SLC41A2: variants seen among roughly 807,000 people sequenced by gnomAD.
SLC41A2 encodes solute carrier family 41 member 2, also known as SLC41A1-like 1.
Under a neutral mutation model 58.3 loss-of-function variants are expected in SLC41A2, and 32 were observed. That is an observed-to-expected ratio of 0.55 (90% CI 0.41 to 0.74). SLC41A2 has a LOEUF of 0.74. SLC41A2 is among the 30% of genes least tolerant of loss of function. SLC41A2 has a pLI of 0.00. For missense variants in SLC41A2, 514 were observed against 680.6 expected, an observed-to-expected ratio of 0.76 and a Z score of 2.72; for synonymous variants, 190 against 235.0, an observed-to-expected ratio of 0.81 and a Z score of 1.75.
chr12:104,887,834 C>A (rs1428905061), intron 5 of SLC41A2, among the ~76,000 whole-genome samples: 5 of 151,966 alleles, frequency 3.3e-5, no homozygotes, highest in African/African-American at 9.7e-5. Flanking sequence ...TTCTCACCTA[C>A]AAATATGGCT....
intron 2 of SLC41A2, among the ~76,000 whole-genome samples, chr12:104,926,242 G>C (rs2046833583): frequency 6.6e-6 from 1 of 152,054 alleles, no homozygotes; most frequent in Non-Finnish European, 1.5e-5. Flanking sequence ...GTCACATTTT[G>C]GCAACTTATT....
intron 1 of SLC41A2, among the ~76,000 whole-genome samples, chr12:104,955,358 C>A (rs1221700121): frequency 1.3e-5 from 2 of 152,092 alleles, no homozygotes; most frequent in East Asian, 3.9e-4. Flanking sequence ...ATTACCCTCA[C>A]AACCTGATTA....
intron 6 of SLC41A2, among the ~76,000 whole-genome samples, chr12:104,872,809 C>T (rs927365341): frequency 9.9e-5 from 15 of 152,182 alleles, no homozygotes; most frequent in Non-Finnish European, 2.2e-4. Flanking sequence ...TGAAAGCTAA[C>T]AGCACATGAG....
intron 10 of SLC41A2, among the ~76,000 whole-genome samples, chr12:104,838,238 A>G (rs1369232307): frequency 1.3e-5 from 2 of 152,206 alleles, no homozygotes; most frequent in Non-Finnish European, 2.9e-5. Flanking sequence ...TTTTGCTCTT[A>G]GTCTGCACTG....
At chr12:104,906,033 G>C (rs187011248) in intron 3 of SLC41A2, among the ~76,000 whole-genome samples, 2 of 152,256 alleles carry the variant, frequency 1.3e-5, no homozygotes, top group African/African-American at 2.4e-5. Context: ...GAGGTGCCGA[G>C]AGCAAGCGAG....
chr12:104,812,633 G>A (rs943391218), intron 10 of SLC41A2, among the ~76,000 whole-genome samples: 34 of 152,004 alleles, frequency 2.2e-4, no homozygotes, highest in Non-Finnish European at 4.4e-5. Context: ...CTTGAACCGA[G>A]AGAAAAATGG....
chr12:104,893,725 G>A (rs1326772086), intron 4 of SLC41A2, among the ~76,000 whole-genome samples: 5 of 152,148 alleles, frequency 3.3e-5, no homozygotes, highest in Non-Finnish European at 7.4e-5. Flanking sequence ...GGAACTGGAG[G>A]TCATTATGCT....
intron 3 of SLC41A2, among the ~76,000 whole-genome samples, chr12:104,904,078 G>A (rs1041822378): frequency 6.6e-6 from 1 of 152,194 alleles, no homozygotes; most frequent in African/African-American, 2.4e-5. Flanking sequence ...AATATCATTT[G>A]CAGCATTTTG....
At chr12:104,852,344 T>C (rs2042832598) in intron 8 of SLC41A2, among the ~76,000 whole-genome samples, 2 of 152,218 alleles carry the variant, frequency 1.3e-5, no homozygotes, top group African/African-American at 4.8e-5. Flanking sequence ...TTATTGGATA[T>C]GGAATGCTTC....
At chr12:104,873,625 C>A (rs1255086524) in intron 6 of SLC41A2, among the ~76,000 whole-genome samples, 4 of 152,108 alleles carry the variant, frequency 2.6e-5, no homozygotes, top group Non-Finnish European at 5.9e-5. Context: ...TAAAACTGCA[C>A]CAATTTACAT....
At chr12:104,878,470 AC>A (rs1273594020) in intron 6 of SLC41A2, among the ~76,000 whole-genome samples, 1 of 133,118 alleles carries the variant, frequency 7.5e-6, no homozygotes, top group African/African-American at 2.9e-5. Flanking sequence ...CCGTCCCCCC[AC>A]CCCACCACAG....
At chr12:104,921,116 G>T (rs1219858161) in intron 2 of SLC41A2, among the ~76,000 whole-genome samples, 1 of 151,614 alleles carries the variant, frequency 6.6e-6, no homozygotes, top group East Asian at 1.9e-4. Context: ...AAGGATCAAA[G>T]ATTGTCTACA....
chr12:104,844,846 GA>G, intron 9 of SLC41A2, among the ~76,000 whole-genome samples: 1 of 152,218 alleles, frequency 6.6e-6, no homozygotes. Flanking sequence ...AACTTGCTAT[GA>G]AGAACATCGG....
intron 1 of SLC41A2, among the ~76,000 whole-genome samples, chr12:104,952,340 G>A (rs150762390): frequency 1.1e-3 from 172 of 152,232 alleles, no homozygotes; most frequent in Middle Eastern, 6.8e-3. Flanking sequence ...TTTTGGTCTT[G>A]GTGCAAAGGT....
chr12:104,946,495 A>C (rs1824124628), intron 1 of SLC41A2, among the ~76,000 whole-genome samples: 1 of 152,162 alleles, frequency 6.6e-6, no homozygotes, highest in South Asian at 2.1e-4. Context: ...ACTGGTCTTG[A>C]ACTCCTGGCC....
At position 104,805,252 on chromosome 12, in the gene SLC41A2, T is replaced by C. The variant is rs2040849633; in HGVS notation, c.1622A>G (p.Tyr541Cys). Residue 541 changes from tyrosine (Y) to cysteine (C), a missense_variant, in exon 11 of 11, where the codon TAC becomes TGC. By Grantham distance (194) the Tyr-to-Cys change is radical (BLOSUM62 -2). Coordinates refer to ENST00000258538, the MANE Select transcript of SLC41A2 (RefSeq NM_001352171.3). ...GKDPDSFSIP[Y>C]LTALGDLLGT... The stretch of plus-strand genomic sequence containing the variant: ...GAGCAGATCACCCAATGCTGTTAGG[T>C]AGGGGATGGAGAAACTATCCGGGTC... 6.2e-7 allele frequency: 1 copy of C among 1,613,882 alleles called. No individual in the cohort carries two copies. Among genetic ancestry groups the C allele is most frequent in the Non-Finnish European group, 8.5e-7 (1 of 1,179,836 alleles).
intron 3 of SLC41A2, among the ~76,000 whole-genome samples, chr12:104,905,015 C>A (rs373859157): frequency 1.3e-5 from 2 of 151,896 alleles, no homozygotes; most frequent in African/African-American, 4.8e-5. Context: ...TTGGTAGAGC[C>A]GAGTGGCCTG....
At chr12:104,846,043 G>T in intron 8 of SLC41A2, 69 bp from the exon 9 acceptor site, 2 of 1,507,266 alleles carry the variant, frequency 1.3e-6, no homozygotes, top group Non-Finnish European at 1.8e-6. Flanking sequence ...TCAACCAAAA[G>T]CAAGCCTCTT....
intron 10 of SLC41A2, among the ~76,000 whole-genome samples, chr12:104,832,898 A>C (rs747747955): frequency 1.5e-4 from 23 of 152,162 alleles, no homozygotes; most frequent in Non-Finnish European, 2.8e-4. Context: ...CAGTCACTTA[A>C]TGCTTATTGT....
Sources: allele counts gnomAD v4.1 joint callset (sites outside exome capture counted in the v4.1 genomes callset), GRCh38; gene constraint gnomAD v4.1.1; transcripts MANE v1.5; gene names NCBI Gene and HGNC (gene_info 2026-07-23, HGNC 2026-07-21).